Variants in KLHDC1 observed in about 807,000 individuals in gnomAD.
KLHDC1 encodes the protein kelch domain containing 1.
KLHDC1 carries 53 observed loss-of-function variants against 68.3 expected under a neutral mutation model. That is an observed-to-expected ratio of 0.78 (90% CI 0.62 to 0.98). The LOEUF is 0.98. KLHDC1 is among the 50% of genes least tolerant of loss of function. The pLI is 0.00. For synonymous variants in KLHDC1, 148 were observed against 159.0 expected, an observed-to-expected ratio of 0.93 and a Z score of 0.52; for missense variants, 470 against 492.3, an observed-to-expected ratio of 0.95 and a Z score of 0.43.
intron 1 of KLHDC1, among the ~76,000 whole-genome samples, chr14:49,694,561 T>A (rs937350816): frequency 1.6e-4 from 25 of 151,734 alleles, no homozygotes; most frequent in Admixed American, 7.2e-4. Context: ...AAAAAAAAAA[T>A]GTACATACCT....
chr14:49,713,839 TATATATA>T (rs1888292125), intron 4 of KLHDC1, among the ~76,000 whole-genome samples: 1 of 6,280 alleles, frequency 1.6e-4, no homozygotes, highest in African/African-American at 3.5e-4. Context: ...TATATATATA[TATATATA>T]TATATTTTTT....
chr14:49,701,226 G>A (rs982424986), intron 1 of KLHDC1, among the ~76,000 whole-genome samples: 48 of 152,246 alleles, frequency 3.2e-4, no homozygotes, highest in Non-Finnish European at 4.1e-4. Flanking sequence ...GATAGCTAGA[G>A]GAAAATATTC....
chr14:49,694,317 G>A (rs1422094802), intron 1 of KLHDC1, among the ~76,000 whole-genome samples: 1 of 151,948 alleles, frequency 6.6e-6, no homozygotes, highest in Admixed American at 6.6e-5. Context: ...AAGCCATCTG[G>A]AAGTTCTACT....
At chr14:49,702,790 T>C (rs1203546368) in intron 1 of KLHDC1, among the ~76,000 whole-genome samples, 1 of 152,200 alleles carries the variant, frequency 6.6e-6, no homozygotes, top group East Asian at 1.9e-4. Context: ...CTCCATTGGT[T>C]AGATGAATCT....
At position 49,734,538 on chromosome 14, in the gene KLHDC1, A is replaced by G. The variant is rs773591163; in HGVS notation, c.824-51A>G. On this transcript the variant is annotated intron_variant, in intron 9 of 12. Coordinates refer to ENST00000359332, the MANE Select transcript of KLHDC1 (RefSeq NM_172193.3). The stretch of plus-strand genomic sequence containing the variant: ...ATGATAAATTGGGGGGAAAATTAAA[A>G]TTGTATCCCAGAGACCTAATCTTAA... 29 of 1,046,618 alleles carry G rather than the reference A, an allele frequency of 2.8e-5. No individual in the cohort carries two copies. In the South Asian group the frequency reaches 4.7e-4, roughly 17 times the overall value. 64.8% of individuals were successfully genotyped at this position (1,046,618 alleles called of 1,614,324 possible).
At chr14:49,694,253 T>A (rs1887668684) in intron 1 of KLHDC1, among the ~76,000 whole-genome samples, 1 of 152,126 alleles carries the variant, frequency 6.6e-6, no homozygotes, top group Non-Finnish European at 1.5e-5. Context: ...ATGGTAAAGC[T>A]GGAAAACAGG....
intron 12 of KLHDC1, among the ~76,000 whole-genome samples, chr14:49,748,794 AT>A (rs1028171277): frequency 2.7e-5 from 4 of 150,782 alleles, no homozygotes; most frequent in Non-Finnish European, 4.4e-5. Flanking sequence ...ACTGAGAGAA[AT>A]TTTTTTTCTT....
intron 4 of KLHDC1, among the ~76,000 whole-genome samples, chr14:49,713,850 A>ATTTTTTTTTTTT (rs869250721): frequency 1.0e-4 from 5 of 50,224 alleles, no homozygotes; most frequent in African/African-American, 3.5e-4. Flanking sequence ...ATATATATAT[A>ATTTTTTTTTTTT]TTTTTTTTTT....
chr14:49,723,771 AT>A, intron 4 of KLHDC1, 102 bp from the exon 5 acceptor site: 1 of 624,826 alleles, frequency 1.6e-6, no homozygotes, highest in Non-Finnish European at 2.8e-6. Flanking sequence ...TTAAACTGTG[AT>A]TTTGTGTTTG....
chr14:49,744,470 TATATATC>T (rs1206749813), intron 12 of KLHDC1, among the ~76,000 whole-genome samples: 2 of 152,116 alleles, frequency 1.3e-5, no homozygotes, highest in Non-Finnish European at 1.5e-5. Flanking sequence ...TGCCTAATAA[TATATATC>T]ATATATATGT....
At chr14:49,699,937 T>C (rs1411995433) in intron 1 of KLHDC1, 2 of 201,208 alleles carry the variant, frequency 9.9e-6, no homozygotes, top group East Asian at 1.8e-4. Context: ...TATCTTGGCA[T>C]GTTTGCAGGT....
At chr14:49,724,120 G>C (rs1410195319) in intron 5 of KLHDC1, among the ~76,000 whole-genome samples, 168 bp downstream of exon 5, 2 of 152,128 alleles carry the variant, frequency 1.3e-5, no homozygotes, top group African/African-American at 2.4e-5. Context: ...TTTGGCAAAA[G>C]GTATCTCTCT....
intron 6 of KLHDC1, among the ~76,000 whole-genome samples, chr14:49,727,603 A>G (rs1888704485): frequency 6.6e-6 from 1 of 152,212 alleles, no homozygotes; most frequent in Admixed American, 6.5e-5. Context: ...AATAAATTTC[A>G]GATTTCCAGT....
In KLHDC1 at chr14:49,729,490, C is replaced by A; in HGVS notation, c.652C>A (p.Gln218Lys). The change falls in exon 8 of 13, where the codon CAA (glutamine) becomes AAA (lysine). Residue 218 changes from glutamine to lysine, a missense_variant and splice_region_variant. Gln to Lys is a moderately conservative substitution (Grantham distance 53). Transcript: ENST00000359332. The part of the protein sequence containing the change: ...KGYIFGGRVL[Q>K]TRMNDLHYLN... ...CCAATGTAACACACTTTTCTTTTAG[C>A]AAACTAGGATGAATGATTTGCACTA... 1 of 1,606,438 alleles carries A rather than the reference C, an allele frequency of 6.2e-7. No homozygotes were observed. Among genetic ancestry groups the A allele is most frequent in the Non-Finnish European group, 8.5e-7 (1 of 1,173,584 alleles).
At chr14:49,728,445 A>C (rs966761128) in intron 6 of KLHDC1, among the ~76,000 whole-genome samples, 4 of 152,252 alleles carry the variant, frequency 2.6e-5, no homozygotes, top group African/African-American at 9.6e-5. Context: ...GTCTGGCTTA[A>C]GCCAAGAGTG....
intron 4 of KLHDC1, among the ~76,000 whole-genome samples, chr14:49,722,515 T>C (rs1888554510): frequency 6.6e-6 from 1 of 152,222 alleles, no homozygotes; most frequent in Admixed American, 6.5e-5. Context: ...CAGTCTATCA[T>C]TGATGGACAT....
Position 49,732,685 on chromosome 14 carries a change from CT to C in KLHDC1, c.711-14del. Reference sequence around the variant, plus strand: ...TTGATTAATATAGTACCTAGACTTTCTTTTTCTCCTTGCCACAGGATTACTA... The same window carrying C: ...TTGATTAATATAGTACCTAGACTTTCTTTTCTCCTTGCCACAGGATTACTA... On this transcript the variant is annotated intron_variant, in intron 8 of 12. Transcript: ENST00000359332. 7.9e-7 allele frequency: 1 copy of C among 1,268,378 alleles called. No homozygotes were observed. Among genetic ancestry groups the C allele is most frequent in the Non-Finnish European group, 1.1e-6 (1 of 873,194 alleles). The allele number at this position is 1,268,378 out of a possible 1,614,324, so 78.6% of individuals were successfully genotyped here.
At chr14:49,718,906 A>G (rs1007667062) in intron 4 of KLHDC1, among the ~76,000 whole-genome samples, 3 of 146,680 alleles carry the variant, frequency 2.0e-5, no homozygotes, top group African/African-American at 7.5e-5. Context: ...CCTCCCAAGT[A>G]TCTGGGATTA....
At chr14:49,705,882 A>G (rs1211449565) in intron 1 of KLHDC1, among the ~76,000 whole-genome samples, 2 of 152,322 alleles carry the variant, frequency 1.3e-5, no homozygotes, top group African/African-American at 4.8e-5. Flanking sequence ...TAGTAGGTGT[A>G]TATATTTATG....
Sources: gnomAD v4.1 joint callset for allele counts (sites outside exome capture counted in the v4.1 genomes callset) on GRCh38, gnomAD v4.1.1 for gene constraint, MANE v1.5 for transcripts, NCBI Gene and HGNC (gene_info 2026-07-23, HGNC 2026-07-21) for gene names.